Variants in DNAH6 observed in about 807,000 individuals in gnomAD.
DNAH6 encodes the protein dynein axonemal heavy chain 6.
DNAH6 carries 340 observed loss-of-function variants against 491.4 expected under a neutral mutation model. The ratio of observed to expected loss-of-function variants is 0.69; its 90% CI spans 0.63 to 0.76. DNAH6 has a LOEUF of 0.76. DNAH6 is among the 30% of genes least tolerant of loss of function. The probability of loss-of-function intolerance (pLI) is 0.00; values close to 1 mark genes in which losing one functional copy is unlikely to be tolerated. For missense variants in DNAH6, 4,443 were observed against 4,972.2 expected (o/e 0.89, Z 3.20); for synonymous variants, 1,603 against 1,686.1 (o/e 0.95, Z 1.21).
At chr2:84,632,921 TTCTTTC>T (rs1291740323) in intron 29 of DNAH6, among the ~76,000 whole-genome samples, 2 of 152,216 alleles carry the variant, frequency 1.3e-5, no homozygotes, top group African/African-American at 2.4e-5. Context: ...ATTCTTCTCA[TTCTTTC>T]TCTTTCTTGA....
rs531571897 is a variant in DNAH6, at chr2:84,600,029, TG to T, written c.2868+4241del. 5.9e-5 allele frequency among the ~76,000 whole-genome samples: 9 copies of T among 152,330 alleles called. No individual in the cohort carries two copies. In the South Asian group the frequency reaches 1.9e-3, roughly 32 times the overall value. ...CACTTTAGAAGAATGTGCATTCTGC[TG>T]TTGCTCAGTGATCATTCTACAAGTG... On this transcript the variant is annotated intron_variant, in intron 18 of 76. Coordinates refer to ENST00000389394, the MANE Select transcript of DNAH6 (RefSeq NM_001370.2).
At chr2:84,801,710 C>T (rs1678935720) in intron 70 of DNAH6, among the ~76,000 whole-genome samples, 1 of 151,854 alleles carries the variant, frequency 6.6e-6, no homozygotes, top group Admixed American at 6.6e-5. Flanking sequence ...ACGGTGAAAT[C>T]CTGTCTCTAC....
At chr2:84,546,477 A>G (rs1490396193) in intron 5 of DNAH6, among the ~76,000 whole-genome samples, 1 of 152,194 alleles carries the variant, frequency 6.6e-6, no homozygotes, top group East Asian at 1.9e-4. Flanking sequence ...AGTTGGTGGA[A>G]TCCATGACTC....
intron 29 of DNAH6, among the ~76,000 whole-genome samples, chr2:84,626,667 A>T (rs779163671): frequency 1.3e-5 from 2 of 152,068 alleles, no homozygotes; most frequent in African/African-American, 2.4e-5. Flanking sequence ...CAGTGGCTCA[A>T]TCTCGGCTCA....
chr2:84,729,594 T>C (rs190422246), intron 61 of DNAH6, among the ~76,000 whole-genome samples: 2 of 152,328 alleles, frequency 1.3e-5, no homozygotes, highest in African/African-American at 4.8e-5. Context: ...CCCATGTCCA[T>C]TCCAGCACCA....
At chr2:84,783,798 C>T (rs926655685) in intron 65 of DNAH6, among the ~76,000 whole-genome samples, 1 of 152,054 alleles carries the variant, frequency 6.6e-6, no homozygotes, top group Non-Finnish European at 1.5e-5. Context: ...GTAACGTATA[C>T]GTTGTGTTAG....
At chr2:84,598,179 C>CTTTCTTTT (rs1227729370) in intron 18 of DNAH6, among the ~76,000 whole-genome samples, 1 of 70,704 alleles carries the variant, frequency 1.4e-5, no homozygotes, top group African/African-American at 3.3e-5. Flanking sequence ...TTCTTTCTTT[C>CTTTCTTTT]TCTCTTTCTT....
chr2:84,492,076 A>G, the DNAH6 span, among the ~76,000 whole-genome samples: 1 of 152,216 alleles, frequency 6.6e-6, no homozygotes, highest in South Asian at 2.1e-4. Context: ...GCTCAGGCCT[A>G]TCATAATTTT....
chr2:84,664,707 A>G (rs1691900266), intron 37 of DNAH6, among the ~76,000 whole-genome samples: 1 of 152,208 alleles, frequency 6.6e-6, no homozygotes, highest in African/African-American at 2.4e-5. Context: ...AAAGTTAACA[A>G]GGATATCCAG....
chr2:84,621,598 G>A, intron 26 of DNAH6, 47 bp downstream of exon 26: 1 of 1,248,658 alleles, frequency 8.0e-7, no homozygotes, highest in South Asian at 1.6e-5. Context: ...AGATGGTCTT[G>A]GTGGGTTTTT....
chr2:84,583,588 T>C (rs1350165546), intron 14 of DNAH6, among the ~76,000 whole-genome samples: 1 of 152,248 alleles, frequency 6.6e-6, no homozygotes, highest in Non-Finnish European at 1.5e-5. Context: ...AAATCTCACC[T>C]TGAATTGAAT....
intron 46 of DNAH6, among the ~76,000 whole-genome samples, chr2:84,696,188 A>G (rs1343295480): frequency 6.6e-6 from 1 of 151,828 alleles, no homozygotes; most frequent in Admixed American, 6.5e-5. Context: ...TATTTTACAG[A>G]GAAAGCAAAT....
chr2:84,632,923 C>T (rs1688535714), intron 29 of DNAH6, among the ~76,000 whole-genome samples: 1 of 152,162 alleles, frequency 6.6e-6, no homozygotes. Flanking sequence ...TCTTCTCATT[C>T]TTTCTCTTTC....
intron 59 of DNAH6, among the ~76,000 whole-genome samples, chr2:84,721,446 G>A (rs1485517364): frequency 6.6e-6 from 1 of 152,092 alleles, no homozygotes; most frequent in East Asian, 1.9e-4. Context: ...GTGGGCTGGG[G>A]TAAATAGTCT....
intron 29 of DNAH6, among the ~76,000 whole-genome samples, chr2:84,629,960 A>C (rs1432015346): frequency 6.6e-6 from 1 of 152,230 alleles, no homozygotes; most frequent in Non-Finnish European, 1.5e-5. Flanking sequence ...AAAACACATA[A>C]AACATTTTTA....
intron 62 of DNAH6, among the ~76,000 whole-genome samples, chr2:84,739,658 T>G (rs544710890): frequency 2.6e-5 from 4 of 152,356 alleles, no homozygotes; most frequent in African/African-American, 9.6e-5. Flanking sequence ...CCATTTGTAT[T>G]TTGAATTTCC....
At chr2:84,550,209 A>C (rs893192113) in intron 9 of DNAH6, 152 bp downstream of exon 9, 11 of 633,660 alleles carry the variant, frequency 1.7e-5, no homozygotes, top group Non-Finnish European at 2.4e-5. Flanking sequence ...ACCAGAGACC[A>C]GTTTCATGGA....
intron 64 of DNAH6, among the ~76,000 whole-genome samples, chr2:84,766,869 C>A (rs1447873274): frequency 6.6e-6 from 1 of 152,092 alleles, no homozygotes; most frequent in Non-Finnish European, 1.5e-5. Flanking sequence ...GGCTGGTAAA[C>A]CCCCTTACTT....
intron 21 of DNAH6, 142 bp downstream of exon 21, chr2:84,607,237 G>A: frequency 2.3e-6 from 2 of 882,554 alleles, no homozygotes; most frequent in Non-Finnish European, 1.7e-6. Flanking sequence ...TGTTTAGAAT[G>A]TAAGGGAAAT....
Sources: gnomAD v4.1 joint callset for allele counts (sites outside exome capture counted in the v4.1 genomes callset) on GRCh38, gnomAD v4.1.1 for gene constraint, MANE v1.5 for transcripts, NCBI Gene and HGNC (gene_info 2026-07-23, HGNC 2026-07-21) for gene names.